The following FAM124A variants were observed in gnomAD, a reference collection of about 807,000 sequenced individuals.
FAM124A encodes the protein protein FAM124A.
Under a neutral mutation model 24.5 loss-of-function variants are expected in FAM124A, and 23 were observed. That is an observed-to-expected ratio of 0.94 (90% CI 0.68 to 1.33). FAM124A has a LOEUF of 1.33. FAM124A is among the 40% of genes most tolerant of loss of function. FAM124A has a pLI of 0.00. For missense variants in FAM124A, 623 were observed against 722.8 expected, an observed-to-expected ratio of 0.86 and a Z score of 1.58; for synonymous variants, 287 against 314.7, an observed-to-expected ratio of 0.91 and a Z score of 0.93.
At chr13:51,247,882 C>T (rs370087683) in intron 2 of FAM124A, among the ~76,000 whole-genome samples, 1 of 152,112 alleles carries the variant, frequency 6.6e-6, no homozygotes, top group African/African-American at 2.4e-5. Flanking sequence ...GTACTTCTGC[C>T]GATCGTGTCA....
chr13:51,250,557 G>T (rs1390541097), intron 2 of FAM124A, among the ~76,000 whole-genome samples: 1 of 152,186 alleles, frequency 6.6e-6, no homozygotes, highest in Non-Finnish European at 1.5e-5. Flanking sequence ...TTCATGCTTG[G>T]AATTCAACAG....
intron 3 of FAM124A, among the ~76,000 whole-genome samples, chr13:51,260,744 C>T (rs535850744): frequency 6.6e-6 from 1 of 152,260 alleles, no homozygotes; most frequent in African/African-American, 2.4e-5. Flanking sequence ...CCAGTGCTGG[C>T]GTGGTCTCCA....
chr13:51,277,732 T>C (rs1021743473), intron 3 of FAM124A, among the ~76,000 whole-genome samples: 4 of 152,228 alleles, frequency 2.6e-5, no homozygotes, highest in Non-Finnish European at 5.9e-5. Context: ...AGGCAGAGGA[T>C]GCAGTGGGCT....
At chr13:51,256,092 T>C (rs1384865478) in intron 3 of FAM124A, among the ~76,000 whole-genome samples, 1 of 152,222 alleles carries the variant, frequency 6.6e-6, no homozygotes, top group African/African-American at 2.4e-5. Flanking sequence ...GAAGGCCGCC[T>C]GCCTCTTTTG....
intron 1 of FAM124A, 107 bp downstream of exon 1, chr13:51,222,676 G>A (rs1954273501): frequency 3.7e-6 from 4 of 1,089,562 alleles, no homozygotes; most frequent in Non-Finnish European, 3.5e-6. Flanking sequence ...ACCGGGGCGC[G>A]GGGCTTCTCC....
intron 1 of FAM124A, among the ~76,000 whole-genome samples, chr13:51,225,841 G>T (rs751182116): frequency 2.0e-5 from 3 of 151,982 alleles, no homozygotes; most frequent in African/African-American, 4.8e-5. Context: ...GTAGCTAAAG[G>T]GGAGAGTGGA....
chr13:51,259,981 C>A (rs780612744), intron 3 of FAM124A, among the ~76,000 whole-genome samples: 67 of 151,910 alleles, frequency 4.4e-4, no homozygotes, highest in Non-Finnish European at 1.5e-4. Context: ...GCAGAGGGGG[C>A]GGTTCAGAGG....
At position 51,272,402 on chromosome 13, in the gene FAM124A, AGGAG is replaced by A. The variant is rs1046407657; in HGVS notation, c.835-8043_835-8040del. 1.3e-5 allele frequency among the ~76,000 whole-genome samples: 2 copies of A among 152,288 alleles called. No individual in the cohort carries two copies. The highest frequency in any genetic ancestry group is 2.1e-4 in the South Asian group (1 of 4,824). On this transcript the variant is annotated intron_variant, in intron 3 of 3. Coordinates refer to ENST00000322475, the MANE Select transcript of FAM124A (RefSeq NM_001242312.2). The surrounding 1 kb of genome is among the most constrained non-coding windows in gnomAD (Gnocchi z 4.2). ...CAGGCCTGGGCCCTAAGAAAGGAGCAGGAGGGAGATGGCCGGGCTAAATGGGAAA... is the reference window on the plus strand; with the variant it reads ...CAGGCCTGGGCCCTAAGAAAGGAGCAGGAGATGGCCGGGCTAAATGGGAAA...
chr13:51,258,989 C>CGGGGCA lies in FAM124A; in HGVS notation c.834+6790_834+6795dup, dbSNP rs1954703909. 6.6e-6 allele frequency among the ~76,000 whole-genome samples: 1 copy of CGGGGCA among 152,106 alleles called. No individual in the cohort carries two copies. Among genetic ancestry groups the CGGGGCA allele is most frequent in the African/African-American group, 2.4e-5 (1 of 41,414 alleles). On this transcript the variant is annotated intron_variant, in intron 3 of 3. Transcript: ENST00000322475. This position sits in a 1 kb window ranked among gnomAD's most constrained non-coding sequence, Gnocchi z 4.2. ...CACAATGGCCTGGGCAGGACGGGGC[C>CGGGGCA]GGGGCAGCCGTCAGGGTTCCGAGCT...
Position 51,281,389 on chromosome 13 carries a change from C to T in FAM124A, c.*133C>T. ...AGGAGCCCGTAGCACATTTGCCTAC[C>T]ACCCACTCTTAGCTGGGGGGTGGTA... On this transcript the variant is annotated 3_prime_UTR_variant, in exon 4 of 4. Transcript: ENST00000322475. 5.8e-6 allele frequency: 5 copies of T among 857,170 alleles called. No individual in the cohort carries two copies. Among genetic ancestry groups the T allele is most frequent in the South Asian group, 4.3e-5 (2 of 46,684 alleles). The allele number at this position is 857,170 out of a possible 1,614,324, so 53.1% of individuals were successfully genotyped here.
intron 1 of FAM124A, among the ~76,000 whole-genome samples, chr13:51,224,464 T>TC (rs1201760074): frequency 1.4e-5 from 2 of 141,148 alleles, no homozygotes; most frequent in Non-Finnish European, 3.2e-5. Context: ...AGAGCAAAAC[T>TC]CCATCTCCAA....
chr13:51,224,614 T>A (rs143647861), intron 1 of FAM124A, among the ~76,000 whole-genome samples: 8 of 152,354 alleles, frequency 5.3e-5, no homozygotes, highest in African/African-American at 1.9e-4. Flanking sequence ...AAGCTGTTCA[T>A]CGTTTCCCTG....
chr13:51,240,439 G>GT (rs2137661146), intron 2 of FAM124A, among the ~76,000 whole-genome samples: 1 of 152,282 alleles, frequency 6.6e-6, no homozygotes, highest in Admixed American at 6.5e-5. Context: ...TTTCCTTTTC[G>GT]TAACAACAGT....
intron 3 of FAM124A, among the ~76,000 whole-genome samples, chr13:51,263,770 C>G (rs984226164): frequency 6.6e-6 from 1 of 151,916 alleles, no homozygotes; most frequent in African/African-American, 2.4e-5. Flanking sequence ...TATATACTGC[C>G]GTCTAAAAAA....
intron 3 of FAM124A, among the ~76,000 whole-genome samples, chr13:51,273,511 G>A (rs1345913294): frequency 9.2e-5 from 14 of 152,106 alleles, no homozygotes; most frequent in African/African-American, 3.1e-4. Flanking sequence ...GAGCTTAAGC[G>A]ATCCTTCCAC....
chr13:51,281,098 C>G lies in FAM124A; in HGVS notation c.1483C>G (p.Arg495Gly). 6.2e-7 allele frequency: 1 copy of G among 1,614,098 alleles called. No individual in the cohort carries two copies. Among genetic ancestry groups the G allele is most frequent in the Non-Finnish European group, 8.5e-7 (1 of 1,180,024 alleles). The change falls in exon 4 of 4, where the codon CGT becomes GGT. Residue 495 changes from arginine (R) to glycine (G), a missense_variant. By Grantham distance (125) the Arg-to-Gly change is moderately radical (BLOSUM62 -2). Transcript: ENST00000322475. ...KRSSSSSATARAAPPAPSTST... is the reference protein window; with the variant it reads ...KRSSSSSATAGAAPPAPSTST... Reference sequence around the variant, plus strand: ...GTCTTCCAGCTCCTCAGCGACAGCTCGTGCTGCTCCCCCAGCTCCCAGCAC... The same window carrying G: ...GTCTTCCAGCTCCTCAGCGACAGCTGGTGCTGCTCCCCCAGCTCCCAGCAC...
Position 51,281,414 on chromosome 13 carries a change from A to G in FAM124A, c.*158A>G. 3.2e-6 allele frequency: 2 copies of G among 627,944 alleles called. No homozygotes were observed. Among genetic ancestry groups the G allele is most frequent in the Admixed American group, 3.4e-5 (1 of 29,628 alleles). The allele number at this position is 627,944 out of a possible 1,614,324, so 38.9% of individuals were successfully genotyped here. The stretch of plus-strand genomic sequence containing the variant: ...CACCCACTCTTAGCTGGGGGGTGGT[A>G]TATCTCTAGAGACACAGCAGAAAAA... On this transcript the variant is annotated 3_prime_UTR_variant, in exon 4 of 4. Coordinates refer to ENST00000322475, the MANE Select transcript of FAM124A (RefSeq NM_001242312.2).
chr13:51,260,556 T>C (rs1954725035), intron 3 of FAM124A, among the ~76,000 whole-genome samples: 1 of 152,242 alleles, frequency 6.6e-6, no homozygotes, highest in Non-Finnish European at 1.5e-5. Context: ...TCTAATATCT[T>C]ACTTAACCCT....
In FAM124A at chr13:51,248,253, A is replaced by C. The variant is rs767541824; in HGVS notation, c.101-3215A>C. ...CTATTTCCTATTTCAGTTAAACATCACATCAGATCACTTGTTCAAGCTGGA... is the reference window on the plus strand; with the variant it reads ...CTATTTCCTATTTCAGTTAAACATCCCATCAGATCACTTGTTCAAGCTGGA... On this transcript the variant is annotated intron_variant, in intron 2 of 3. Transcript: ENST00000322475. Among the ~76,000 whole-genome samples, 28 of 152,176 alleles carry C rather than the reference A, an allele frequency of 1.8e-4. No individual in the cohort carries two copies. The South Asian group carries it at 2.7e-3, about 15-fold the overall frequency.
Sources: allele counts gnomAD v4.1 joint callset (sites outside exome capture counted in the v4.1 genomes callset), GRCh38; gene constraint gnomAD v4.1.1; non-coding constraint Gnocchi (gnomAD v3.1); transcripts MANE v1.5; gene names NCBI Gene and HGNC (gene_info 2026-07-23, HGNC 2026-07-21).